TXNRD2: variants seen among roughly 807,000 people sequenced by gnomAD.
TXNRD2 encodes the protein thioredoxin reductase 2, also known as thioredoxin reductase 2, mitochondrial.
Under a neutral mutation model 70.8 loss-of-function variants are expected in TXNRD2, and 67 were observed. The observed-to-expected ratio is 0.95, with a 90% CI of 0.78 to 1.16. The LOEUF (loss-of-function observed/expected upper bound fraction) is 1.16. Among genes scored for constraint, TXNRD2 ranks in the 50% most tolerant of loss-of-function variants. The pLI is 0.00. For missense variants in TXNRD2, 644 were observed against 719.9 expected, an observed-to-expected ratio of 0.89 and a Z score of 1.21; for synonymous variants, 301 against 295.8, an observed-to-expected ratio of 1.02 and a Z score of -0.18.
At chr22:19,878,703 C>T (rs920022505) in intron 14 of TXNRD2, among the ~76,000 whole-genome samples, 2 of 152,248 alleles carry the variant, frequency 1.3e-5, no homozygotes, top group African/African-American at 4.8e-5. Context: ...CCGTAAACCA[C>T]AGCAGCAGAG....
intron 2 of TXNRD2, among the ~76,000 whole-genome samples, chr22:19,928,275 G>A (rs1433123648): frequency 6.6e-6 from 1 of 152,052 alleles, no homozygotes; most frequent in Admixed American, 6.6e-5. Context: ...ACAGACAGAC[G>A]TTCACAGCAA....
chr22:19,925,085 C>T (rs542239901), intron 2 of TXNRD2, among the ~76,000 whole-genome samples: 6 of 151,272 alleles, frequency 4.0e-5, no homozygotes, highest in Non-Finnish European at 5.9e-5. Context: ...GAGATCGAGA[C>T]CATCCTGGCT....
In TXNRD2 at chr22:19,931,079, A is replaced by G; in HGVS notation, c.123T>C (p.Asp41=). The G allele has an allele frequency of 6.2e-7, 1 of 1,613,620 alleles. No individual in the cohort carries two copies. The highest frequency in any genetic ancestry group is 1.1e-5 in the South Asian group (1 of 91,074). The change falls in exon 2 of 18, where the codon GAT becomes GAC. Residue 41 remains aspartate, a synonymous_variant. Transcript: ENST00000400521. ...RGAAAGQRDY[D]LLVVGGGSGG... is the part of the protein sequence containing the mutation. ...CAGATCCCCCGCCGACCACCAGGAG[A>G]TCATAGTCCCGCTGACCTGCTGAGA...
chr22:19,880,855 C>T (rs1256389923), intron 12 of TXNRD2, 138 bp from the exon 13 acceptor site: 3 of 654,424 alleles, frequency 4.6e-6, no homozygotes, highest in Non-Finnish European at 5.4e-6. Flanking sequence ...TGGTGACGTA[C>T]AGCATTCCCC....
intron 10 of TXNRD2, among the ~76,000 whole-genome samples, chr22:19,896,055 T>C (rs1939491988): frequency 6.6e-6 from 1 of 150,698 alleles, no homozygotes; most frequent in Non-Finnish European, 1.5e-5. Flanking sequence ...CCCAGCACTT[T>C]GAGAAGCTGA....
chr22:19,882,646 A>G (rs1465842048), intron 12 of TXNRD2, among the ~76,000 whole-genome samples: 1 of 151,806 alleles, frequency 6.6e-6, no homozygotes, highest in Non-Finnish European at 1.5e-5. Flanking sequence ...GCTCTCAGCG[A>G]CCCTCCAGAG....
intron 2 of TXNRD2, 125 bp from the exon 3 acceptor site, chr22:19,919,724 A>C: frequency 1.3e-6 from 1 of 773,322 alleles, no homozygotes; most frequent in Middle Eastern, 3.0e-4. Flanking sequence ...GGCTGCCCAC[A>C]CAGTGGCTGA....
intron 10 of TXNRD2, among the ~76,000 whole-genome samples, chr22:19,897,487 G>T (rs891626689): frequency 6.6e-6 from 1 of 152,170 alleles, no homozygotes; most frequent in African/African-American, 2.4e-5. Flanking sequence ...CTAGGAGCTC[G>T]TCCTGCTGGC....
At chr22:19,895,143 C>T (rs529462411) in intron 11 of TXNRD2, 2 of 1,598,474 alleles carry the variant, frequency 1.3e-6, no homozygotes, top group Admixed American at 1.7e-5. Flanking sequence ...TCAGTCTCTT[C>T]TCTGGTTTTT....
chr22:19,911,134 TTGC>T (rs1216545786), intron 8 of TXNRD2: 2 of 604,842 alleles, frequency 3.3e-6, no homozygotes, highest in Non-Finnish European at 5.9e-6. Context: ...TCTCACTATA[TTGC>T]CCAGGCTGAT....
intron 1 of TXNRD2, among the ~76,000 whole-genome samples, chr22:19,939,928 T>C (rs1336712903): frequency 1.3e-5 from 2 of 152,188 alleles, no homozygotes; most frequent in Non-Finnish European, 2.9e-5. Flanking sequence ...AATGATTGTG[T>C]TAACTCACAT....
At chr22:19,928,533 G>C (rs1430991061) in intron 2 of TXNRD2, among the ~76,000 whole-genome samples, 1 of 152,186 alleles carries the variant, frequency 6.6e-6, no homozygotes, top group Admixed American at 6.5e-5. Flanking sequence ...TATAGTGACA[G>C]ACAGCACATG....
At chr22:19,928,320 C>G (rs766011277) in intron 2 of TXNRD2, among the ~76,000 whole-genome samples, 1 of 152,102 alleles carries the variant, frequency 6.6e-6, no homozygotes, top group Non-Finnish European at 1.5e-5. Flanking sequence ...GGAAACAATT[C>G]AAGTGTCCAG....
At chr22:19,934,098 G>A (rs1941459110) in intron 1 of TXNRD2, among the ~76,000 whole-genome samples, 3 of 152,198 alleles carry the variant, frequency 2.0e-5, no homozygotes, top group Admixed American at 2.0e-4. Flanking sequence ...ACCTCAGGGT[G>A]CCACCTCAGG....
At position 19,892,123 on chromosome 22, in the gene TXNRD2, A is replaced by G. The variant is rs1939290876; in HGVS notation, c.949+3284T>C. On this transcript the variant is annotated intron_variant, in intron 11 of 17. Coordinates refer to ENST00000400521, the MANE Select transcript of TXNRD2 (RefSeq NM_006440.5). ...TGCGGACGTAGTGCACACCCGGTAC[A>G]GGAAGCAGAGTCGGAGATGTTGGCA... Among the ~76,000 whole-genome samples, 3 of 152,278 alleles carry G rather than the reference A, an allele frequency of 2.0e-5. No individual in the cohort carries two copies. The South Asian group carries it at 6.2e-4, about 32-fold the overall frequency.
At chr22:19,880,375 C>T (rs1938711184) in intron 13 of TXNRD2, 104 bp from the exon 14 acceptor site, 14 of 1,242,700 alleles carry the variant, frequency 1.1e-5, no homozygotes, top group East Asian at 2.5e-5. Flanking sequence ...GGACCAGATG[C>T]GCCCAGAGCA....
chr22:19,906,855 T>C (rs1210506251), intron 8 of TXNRD2, among the ~76,000 whole-genome samples: 1 of 139,654 alleles, frequency 7.2e-6, no homozygotes, highest in Non-Finnish European at 1.5e-5. Flanking sequence ...CTCAGGAGAG[T>C]GTGGGCGCCG....
chr22:19,877,626 A>T (rs1368447385), intron 16 of TXNRD2, among the ~76,000 whole-genome samples: 1 of 152,074 alleles, frequency 6.6e-6, no homozygotes, highest in African/African-American at 2.4e-5. Flanking sequence ...GGCCATGCAC[A>T]ATGTCCCAAC....
At chr22:19,935,918 C>G (rs5748486) in intron 1 of TXNRD2, among the ~76,000 whole-genome samples, 92,839 of 151,816 alleles carry the variant, frequency 0.61, 28,653 homozygotes, top group East Asian at 0.71. Flanking sequence ...TCTGTGTATT[C>G]TCCGGGGTAA....
Sources: allele counts gnomAD v4.1 joint callset (sites outside exome capture counted in the v4.1 genomes callset), GRCh38; gene constraint gnomAD v4.1.1; transcripts MANE v1.5; gene names NCBI Gene and HGNC (gene_info 2026-07-23, HGNC 2026-07-21).